MSANTD2: variants seen among roughly 807,000 people sequenced by gnomAD.
MSANTD2 encodes the protein Myb/SANT DNA binding domain containing 2, also known as myb/SANT-like DNA-binding domain-containing protein 2.
A neutral mutation model predicts 52.6 loss-of-function variants in MSANTD2; 19 were observed. That is an observed-to-expected ratio of 0.36 (90% CI 0.25 to 0.53). The LOEUF is 0.53. Ranked by LOEUF, MSANTD2 falls within the 20% of genes least tolerant of loss-of-function variation. MSANTD2 has a pLI of 0.91. For synonymous variants in MSANTD2, 291 were observed against 289.7 expected (o/e 1.00, Z -0.04); for missense variants, 558 against 716.3 (o/e 0.78, Z 2.52).
At chr11:124,788,840 A>G (rs1945248747) in intron 1 of MSANTD2, among the ~76,000 whole-genome samples, 1 of 152,238 alleles carries the variant, frequency 6.6e-6, no homozygotes, top group Non-Finnish European at 1.5e-5. Context: ...TAGCAAATGA[A>G]TTTCTTTCAT....
intron 1 of MSANTD2, among the ~76,000 whole-genome samples, chr11:124,778,557 G>C (rs1944834578): frequency 6.6e-6 from 1 of 152,162 alleles, no homozygotes; most frequent in Non-Finnish European, 1.5e-5. Context: ...CTGGACTGAA[G>C]AACTAAAGCA....
chr11:124,793,350 G>C (rs1945391828), intron 1 of MSANTD2, among the ~76,000 whole-genome samples: 1 of 152,052 alleles, frequency 6.6e-6, no homozygotes, highest in Non-Finnish European at 1.5e-5. Flanking sequence ...TCTCATACCA[G>C]ACTTAACATT....
At chr11:124,791,323 G>C in intron 1 of MSANTD2, 2 of 1,430,458 alleles carry the variant, frequency 1.4e-6, no homozygotes, top group Non-Finnish European at 2.0e-6. Context: ...CTCCAGGAGA[G>C]AGACTCTGGC....
chr11:124,774,023 T>A lies in MSANTD2; in HGVS notation c.766+696A>T, dbSNP rs1944641826. ...AACAGAACAATCCCACAACTACATA[T>A]ATACTCTTAGTTAGGCCCTACAAGT... is the stretch of plus-strand genomic sequence containing the variant. On this transcript the variant is annotated intron_variant, in intron 2 of 3. Transcript: ENST00000374979. The surrounding 1 kb of genome is among the most constrained non-coding windows in gnomAD (Gnocchi z 5.1). Among the ~76,000 whole-genome samples the A allele has an allele frequency of 6.6e-6, 1 of 152,226 alleles. No homozygotes were observed. Among genetic ancestry groups the A allele is most frequent in the Non-Finnish European group, 1.5e-5 (1 of 68,028 alleles).
At chr11:124,773,112 T>A in intron 2 of MSANTD2, 58 bp from the exon 3 acceptor site, 1 of 952,826 alleles carries the variant, frequency 1.0e-6, no homozygotes, top group Non-Finnish European at 1.7e-6. Context: ...CATGCATGTA[T>A]GTAGATAAGT....
At chr11:124,799,159 G>A (rs1165136463) in intron 1 of MSANTD2, among the ~76,000 whole-genome samples, 1 of 152,204 alleles carries the variant, frequency 6.6e-6, no homozygotes, top group Non-Finnish European at 1.5e-5. Context: ...AGCTTCCTAA[G>A]AAACCGCAGG....
intron 1 of MSANTD2, among the ~76,000 whole-genome samples, chr11:124,785,901 CTT>C (rs1395857432): frequency 6.6e-6 from 1 of 151,708 alleles, no homozygotes; most frequent in Non-Finnish European, 1.5e-5. Context: ...CTTTCAGTGT[CTT>C]TAATGTAAGT....
rs140636194 is a variant in MSANTD2 at position 124,766,957 on chromosome 11, C to T, written c.*219G>A. ...AAATAGCTGACCCACCATGCAAGTT[C>T]GCTATATATCTTGCTTGCTCAAAAT... On this transcript the variant is annotated 3_prime_UTR_variant, in exon 4 of 4. Transcript: ENST00000374979. 654 of 444,854 alleles carry T rather than the reference C, an allele frequency of 1.5e-3. 8 individuals are homozygous for T. The East Asian group carries it at 0.022, about 15-fold the overall frequency. The allele number at this position is 444,854 out of a possible 1,614,324, so 27.6% of individuals were successfully genotyped here.
At chr11:124,791,204 A>T in intron 1 of MSANTD2, 1 of 1,223,246 alleles carries the variant, frequency 8.2e-7, no homozygotes, top group Non-Finnish European at 1.2e-6. Flanking sequence ...CATGTGAGGG[A>T]CATTTGGAGA....
intron 1 of MSANTD2, among the ~76,000 whole-genome samples, chr11:124,778,877 G>C (rs1435238030): frequency 6.6e-6 from 1 of 152,084 alleles, no homozygotes; most frequent in African/African-American, 2.4e-5. Context: ...ATGGGGGAGG[G>C]GGAAGGTAAA....
intron 1 of MSANTD2, among the ~76,000 whole-genome samples, chr11:124,785,961 A>G (rs893207514): frequency 6.6e-6 from 1 of 151,702 alleles, no homozygotes; most frequent in African/African-American, 2.4e-5. Flanking sequence ...TCTTCAGAAG[A>G]CACTGAAAAT....
chr11:124,786,232 G>A (rs117539210), intron 1 of MSANTD2, among the ~76,000 whole-genome samples: 3,408 of 151,634 alleles, frequency 0.022, 47 homozygotes, highest in Middle Eastern at 0.037. Flanking sequence ...TGAGCCTCCC[G>A]AGTAGCTGGG....
At chr11:124,784,680 T>G (rs572905236) in intron 1 of MSANTD2, 34 of 984,690 alleles carry the variant, frequency 3.5e-5, no homozygotes, top group Non-Finnish European at 3.6e-5. Flanking sequence ...TCTGTAGTTA[T>G]TTTCTCACTA....
Position 124,766,749 on chromosome 11 carries a change from G to A in MSANTD2, c.*427C>T, listed in dbSNP as rs73031459. 3,847 of 154,652 alleles carry A rather than the reference G, an allele frequency of 0.025. 70 individuals are homozygous for A. Among genetic ancestry groups the A allele is most frequent in the Middle Eastern group, 0.046 (14 of 304 alleles). The allele number at this position is 154,652 out of a possible 1,614,324, so 9.6% of individuals were successfully genotyped here. ...ATCTATTGCTTATTTATTCAGGGTT[G>A]TAAATATTACTTATATAGAGACATA... On this transcript the variant is annotated 3_prime_UTR_variant, in exon 4 of 4. Transcript: ENST00000374979.
rs985955676 is a variant in MSANTD2, at chr11:124,800,144, C to G, written c.237G>C (p.Ser79=). ...CGCCGCCACCAGGGGAGAAGGAGAC[C>G]GAGGACGAGGCGGCGCTGCGGCCCC... The part of the protein sequence containing the change: ...GLGGRSAASS[S]VSFSPGGGGG... Residue 79 remains serine (S), a synonymous_variant, in exon 1 of 4, where the codon TCG becomes TCC. Transcript: ENST00000374979. This position sits in a 1 kb window ranked among gnomAD's most constrained non-coding sequence, Gnocchi z 4.3. 2 of 1,476,862 alleles carry G rather than the reference C, an allele frequency of 1.4e-6. No individual in the cohort carries two copies. The highest frequency in any genetic ancestry group is 2.9e-5 in the East Asian group (1 of 34,548). 91.5% of individuals were successfully genotyped at this position (1,476,862 alleles called of 1,614,324 possible). A position where few individuals can be genotyped will look rare whatever the true frequency, so the allele number is the denominator to read the frequency against.
chr11:124,798,234 TAAAAAAAAA>T (rs10601418), intron 1 of MSANTD2, among the ~76,000 whole-genome samples: 1,580 of 110,510 alleles, frequency 0.014, 57 homozygotes, highest in African/African-American at 0.06. Context: ...CCCTGTCTCT[TAAAAAAAAA>T]AAAAAAAAAA....
intron 1 of MSANTD2, among the ~76,000 whole-genome samples, chr11:124,799,478 G>C (rs569070042): frequency 6.6e-6 from 1 of 152,250 alleles, no homozygotes; most frequent in African/African-American, 2.4e-5. Context: ...CCTCAATCCT[G>C]CCCCGGCCGG....
At position 124,800,213 on chromosome 11, in the gene MSANTD2, C is replaced by T. The variant is rs369545400; in HGVS notation, c.168G>A (p.Ala56=). 4.7e-6 allele frequency: 7 copies of T among 1,491,234 alleles called. No homozygotes were observed. The South Asian group carries it at 5.1e-5, about 11-fold the overall frequency. 92.4% of individuals were successfully genotyped at this position (1,491,234 alleles called of 1,614,324 possible). The change falls in exon 1 of 4, where the codon GCG becomes GCA. Residue 56 remains alanine, a synonymous_variant. Coordinates refer to ENST00000374979, the MANE Select transcript of MSANTD2 (RefSeq NM_001308027.2). This position sits in a 1 kb window ranked among gnomAD's most constrained non-coding sequence, Gnocchi z 4.3. ...GASPLGPGSA[A]GSGAAASGGL... is the part of the protein sequence containing the mutation. Reference sequence around the variant, plus strand: ...CCCCGGACGCCGCTGCCCCCGAGCCCGCCGCACTGCCCGGCCCGAGCGGGG... The same window carrying T: ...CCCCGGACGCCGCTGCCCCCGAGCCTGCCGCACTGCCCGGCCCGAGCGGGG...
intron 1 of MSANTD2, among the ~76,000 whole-genome samples, chr11:124,795,469 T>G (rs554252549): frequency 5.3e-5 from 8 of 152,328 alleles, no homozygotes; most frequent in Non-Finnish European, 1.0e-4. Context: ...AGATAGGTCT[T>G]TCAACTACTA....
Sources: allele counts gnomAD v4.1 joint callset (sites outside exome capture counted in the v4.1 genomes callset), GRCh38; gene constraint gnomAD v4.1.1; non-coding constraint Gnocchi (gnomAD v3.1); transcripts MANE v1.5; gene names NCBI Gene and HGNC (gene_info 2026-07-23, HGNC 2026-07-21).